Variants in PTPRG observed in about 807,000 individuals in gnomAD.
PTPRG encodes the protein protein tyrosine phosphatase receptor type G.
PTPRG carries 102 observed loss-of-function variants against 165.3 expected under a neutral mutation model. The ratio of observed to expected loss-of-function variants is 0.62; its 90% confidence interval spans 0.53 to 0.73. PTPRG has a LOEUF of 0.73. PTPRG is among the 30% of genes least tolerant of loss of function. PTPRG has a pLI of 0.00. For missense variants in PTPRG, 1,866 were observed against 1,861.4 expected (o/e 1.00, Z -0.05); for synonymous variants, 675 against 669.5 (o/e 1.01, Z -0.13).
intron 4 of PTPRG, among the ~76,000 whole-genome samples, chr3:62,026,211 A>G (rs2041800050): frequency 6.6e-6 from 1 of 152,210 alleles, no homozygotes. Flanking sequence ...TGATGACTGT[A>G]TTAAATGTTG....
At chr3:61,684,651 C>T (rs1389880596) in intron 1 of PTPRG, among the ~76,000 whole-genome samples, 2 of 152,176 alleles carry the variant, frequency 1.3e-5, no homozygotes, top group Non-Finnish European at 2.9e-5. Context: ...GGCCTCTGAT[C>T]CTGGGGCATT....
chr3:61,630,147 G>A (rs1216378152), intron 1 of PTPRG, among the ~76,000 whole-genome samples: 2 of 152,324 alleles, frequency 1.3e-5, no homozygotes, highest in South Asian at 4.1e-4. Context: ...TTAAATAGAT[G>A]ATATTATTGG....
chr3:61,892,457 C>G (rs571889984), intron 2 of PTPRG, among the ~76,000 whole-genome samples: 4 of 152,292 alleles, frequency 2.6e-5, no homozygotes, highest in Non-Finnish European at 4.4e-5. Context: ...TCAAGTGATC[C>G]TCTCACTTCA....
chr3:61,975,192 T>G (rs2040473981), intron 2 of PTPRG, among the ~76,000 whole-genome samples: 1 of 152,182 alleles, frequency 6.6e-6, no homozygotes, highest in African/African-American at 2.4e-5. Flanking sequence ...AGAATTGGTG[T>G]GAAGGGTTAA....
intron 7 of PTPRG, among the ~76,000 whole-genome samples, chr3:62,161,151 A>T (rs764042210): frequency 6.6e-6 from 1 of 152,118 alleles, no homozygotes; most frequent in Non-Finnish European, 1.5e-5. Context: ...ATGGTGGAAT[A>T]TGTATAAAAT....
intron 1 of PTPRG, among the ~76,000 whole-genome samples, chr3:61,583,125 C>A (rs749154059): frequency 2.8e-4 from 42 of 152,162 alleles, no homozygotes; most frequent in Non-Finnish European, 5.1e-4. Flanking sequence ...CCATATCTGC[C>A]TTGTATCTTA....
chr3:61,670,586 C>T (rs753928827), intron 1 of PTPRG, among the ~76,000 whole-genome samples: 1 of 152,138 alleles, frequency 6.6e-6, no homozygotes, highest in Non-Finnish European at 1.5e-5. Context: ...AAAGCTAGAC[C>T]TAGAGCAGAC....
At chr3:62,179,876 TG>T (rs1047197007) in intron 8 of PTPRG, among the ~76,000 whole-genome samples, 2 of 152,214 alleles carry the variant, frequency 1.3e-5, no homozygotes, top group African/African-American at 4.8e-5. Context: ...GAAATGAGGT[TG>T]GAACCCAAAC....
At chr3:61,565,198 ATTGGAAACAGTGGATTTTAGTC>A (rs1372813012) in intron 1 of PTPRG, among the ~76,000 whole-genome samples, 6 of 152,240 alleles carry the variant, frequency 3.9e-5, no homozygotes, top group African/African-American at 1.4e-4. Flanking sequence ...TTCCCAGTGG[ATTGGAAACAGTGGATTTTAGTC>A]TTTGAACAGC....
intron 8 of PTPRG, among the ~76,000 whole-genome samples, chr3:62,188,824 TAGAG>T (rs1699729275): frequency 6.6e-6 from 1 of 151,996 alleles, no homozygotes; most frequent in African/African-American, 2.4e-5. Flanking sequence ...TGAGAAAAGA[TAGAG>T]AAGTTAGGAA....
intron 1 of PTPRG, among the ~76,000 whole-genome samples, chr3:61,713,327 ATT>A (rs556907427): frequency 2.4e-4 from 33 of 135,460 alleles, no homozygotes; most frequent in Admixed American, 3.7e-4. Flanking sequence ...CGCTCAGCTA[ATT>A]TTTTTTTTTT....
intron 4 of PTPRG, among the ~76,000 whole-genome samples, chr3:62,048,585 C>T (rs1700369866): frequency 6.6e-6 from 1 of 152,198 alleles, no homozygotes; most frequent in South Asian, 2.1e-4. Context: ...TTTATATAAA[C>T]TTATCTCTTC....
rs571341803 is a variant in PTPRG, at chr3:62,238,640, C to A, written c.2376-5167C>A. 3.5e-4 allele frequency among the ~76,000 whole-genome samples: 53 copies of A among 152,074 alleles called. No individual in the cohort carries two copies. In the South Asian group the frequency reaches 3.7e-3, roughly 11 times the overall value. On this transcript the variant is annotated intron_variant, in intron 14 of 29. Transcript: ENST00000474889. ...TCACAATACACAGAGCTATATATAC[C>A]CCACCCTGCACCTGCTCTGTTAGAA...
At position 61,601,021 on chromosome 3, in the gene PTPRG, G is replaced by A. The variant is rs569842279; in HGVS notation, c.85+38649G>A. On this transcript the variant is annotated intron_variant, in intron 1 of 29. Coordinates refer to ENST00000474889, the MANE Select transcript of PTPRG (RefSeq NM_002841.4). The stretch of plus-strand genomic sequence containing the variant: ...TGTGACCCCAGCACTCTGGGAGGTC[G>A]AGGCGGGCAGATCACTTGAGGTCGG... Among the ~76,000 whole-genome samples the A allele has an allele frequency of 2.9e-3, 440 of 152,304 alleles. 1 individual carries two copies. Among genetic ancestry groups the A allele is most frequent in the Non-Finnish European group, 4.5e-3 (309 of 68,014 alleles).
At chr3:62,033,510 C>T (rs1699839013) in intron 4 of PTPRG, among the ~76,000 whole-genome samples, 1 of 149,798 alleles carries the variant, frequency 6.7e-6, no homozygotes, top group South Asian at 2.1e-4. Flanking sequence ...ACCACAGGTG[C>T]ACACATACCA....
rs1491506985 is a variant in PTPRG, at chr3:62,296,493, CTA to C, written c.*3187_*3188del. 1 of 150,464 alleles carries C rather than the reference CTA, an allele frequency of 6.6e-6. No individual in the cohort carries two copies. Among genetic ancestry groups the C allele is most frequent in the Admixed American group, 6.6e-5 (1 of 15,146 alleles). The allele number at this position is 150,464 out of a possible 1,614,324, so 9.3% of individuals were successfully genotyped here. On this transcript the variant is annotated 3_prime_UTR_variant, in exon 30 of 30. Coordinates refer to ENST00000474889, the MANE Select transcript of PTPRG (RefSeq NM_002841.4). Reference sequence around the variant, plus strand: ...TACATATTACTAATTCTAAGCAAAACTAAAAAAAAAACCCAACTCATCATAAT... The same window carrying C: ...TACATATTACTAATTCTAAGCAAAACAAAAAAAAACCCAACTCATCATAAT...
rs1575612746 is a variant in PTPRG, at chr3:61,726,442, G to C, written c.86-22436G>C. On this transcript the variant is annotated intron_variant, in intron 1 of 29. Transcript: ENST00000474889. ...GGAAATATAATATCAAATCTCACTT[G>C]TACTGATAATTTGTATAATGGAAAT... Among the ~76,000 whole-genome samples, 4 of 152,228 alleles carry C rather than the reference G, an allele frequency of 2.6e-5. No individual in the cohort carries two copies. The South Asian group carries it at 8.3e-4, about 32-fold the overall frequency.
intron 6 of PTPRG, among the ~76,000 whole-genome samples, chr3:62,151,811 G>A (rs1366709074): frequency 6.6e-6 from 1 of 151,978 alleles, no homozygotes; most frequent in Non-Finnish European, 1.5e-5. Context: ...CCCTTTTATA[G>A]CAAGACTTAT....
At chr3:62,212,289 T>C (rs537635535) in intron 12 of PTPRG, among the ~76,000 whole-genome samples, 1 of 152,302 alleles carries the variant, frequency 6.6e-6, no homozygotes, top group East Asian at 1.9e-4. Flanking sequence ...CCTTTCCTCA[T>C]TGTCATCTTT....
Sources: allele counts gnomAD v4.1 joint callset (sites outside exome capture counted in the v4.1 genomes callset), GRCh38; gene constraint gnomAD v4.1.1; transcripts MANE v1.5; gene names NCBI Gene and HGNC (gene_info 2026-07-23, HGNC 2026-07-21).